The following TSPAN15 variants were observed in gnomAD, a reference collection of about 807,000 sequenced individuals.
TSPAN15 encodes the protein tetraspanin 15, also known as tetraspanin-15.
TSPAN15 carries 20 observed loss-of-function variants against 34.5 expected under a neutral mutation model. The ratio of observed to expected loss-of-function variants is 0.58; its 90% CI spans 0.41 to 0.84. The LOEUF (loss-of-function observed/expected upper bound fraction) is 0.84, where lower values mean the gene tolerates loss of function less well. Among genes scored for constraint, TSPAN15 ranks in the 40% least tolerant of loss-of-function variants. The probability of loss-of-function intolerance (pLI) is 0.00; values close to 1 mark genes in which losing one functional copy is unlikely to be tolerated. For missense variants in TSPAN15, 313 were observed against 386.1 expected (o/e 0.81, Z 1.59); for synonymous variants, 155 against 153.9 (o/e 1.01, Z -0.05).
intron 1 of TSPAN15, among the ~76,000 whole-genome samples, chr10:69,474,275 T>TA (rs952988832): frequency 6.6e-6 from 1 of 151,692 alleles, no homozygotes; most frequent in Non-Finnish European, 1.5e-5. Context: ...GGCACTCCCA[T>TA]ACCCCTTCCC....
the TSPAN15 span, among the ~76,000 whole-genome samples, chr10:69,519,997 G>A: frequency 1.3e-5 from 2 of 152,212 alleles, no homozygotes; most frequent in Admixed American, 6.5e-5. Context: ...CTCCCAAAGT[G>A]CTGGGATTAT....
At chr10:69,492,275 T>C (rs1841984305) in intron 3 of TSPAN15, among the ~76,000 whole-genome samples, 1 of 152,112 alleles carries the variant, frequency 6.6e-6, no homozygotes, top group South Asian at 2.1e-4. Flanking sequence ...ACATTACCAG[T>C]GCTGTCAACG....
the TSPAN15 span, among the ~76,000 whole-genome samples, chr10:69,522,399 A>C: frequency 7.5e-6 from 1 of 133,098 alleles, no homozygotes; most frequent in East Asian, 2.8e-4. Flanking sequence ...AAAAAAAAAA[A>C]AGAAGGTCAA....
chr10:69,507,651 G>GTTTTTTTTTTTTTTTTTT, exon 8 of TSPAN15: 5 of 1,007,624 alleles, frequency 5.0e-6, no homozygotes, highest in Admixed American at 4.0e-5. Context: ...ATAAAAACAT[G>GTTTTTTTTTTTTTTTTTT]TTTTTTTTTT....
the TSPAN15 span, among the ~76,000 whole-genome samples, chr10:69,519,000 G>A: frequency 6.6e-6 from 1 of 152,198 alleles, no homozygotes; most frequent in Admixed American, 6.5e-5. Flanking sequence ...TTATAATAGT[G>A]AAAAATGGGA....
chr10:69,532,245 T>C, the TSPAN15 span, among the ~76,000 whole-genome samples: 2 of 152,150 alleles, frequency 1.3e-5, no homozygotes, highest in South Asian at 4.1e-4. Context: ...AAAAAGAACA[T>C]ATCTGGAGGC....
At chr10:69,532,947 C>T in the TSPAN15 span, among the ~76,000 whole-genome samples, 1 of 152,180 alleles carries the variant, frequency 6.6e-6, no homozygotes, top group East Asian at 1.9e-4. Flanking sequence ...CACCAACAAT[C>T]AGGGAAAAGC....
At chr10:69,531,025 A>T in the TSPAN15 span, among the ~76,000 whole-genome samples, 5 of 145,344 alleles carry the variant, frequency 3.4e-5, 2 homozygotes, top group Non-Finnish European at 7.5e-5. Context: ...GAATATGAAG[A>T]TTATAACTAG....
At chr10:69,515,707 C>T in the TSPAN15 span, among the ~76,000 whole-genome samples, 399 of 152,310 alleles carry the variant, frequency 2.6e-3, 4 homozygotes, top group Middle Eastern at 0.014. Context: ...TTCCACAGCT[C>T]GTGACCCCTT....
the TSPAN15 span, among the ~76,000 whole-genome samples, chr10:69,533,416 T>A: frequency 1.5e-4 from 23 of 152,268 alleles, no homozygotes; most frequent in East Asian, 4.2e-3. Context: ...AACTCAGGAA[T>A]GGAAACCCAA....
At chr10:69,479,330 C>T (rs527992945) in intron 1 of TSPAN15, among the ~76,000 whole-genome samples, 75 of 152,362 alleles carry the variant, frequency 4.9e-4, no homozygotes, top group African/African-American at 1.7e-3. Context: ...AACTGGGCCT[C>T]TCCCTGCACA....
At position 69,482,591 on chromosome 10, in the gene TSPAN15, C is replaced by T. The variant is rs562020088; in HGVS notation, c.97-1100C>T. 9.8e-5 allele frequency among the ~76,000 whole-genome samples: 15 copies of T among 152,288 alleles called. No individual in the cohort carries two copies. In the South Asian group the frequency reaches 2.1e-3, roughly 21 times the overall value. On this transcript the variant is annotated intron_variant, in intron 1 of 7. Coordinates refer to ENST00000373290, the MANE Select transcript of TSPAN15 (RefSeq NM_012339.5). ...TGTTTAATACGCGTTGTGGCGGCCT[C>T]GCACTTCCAGGTTTGTAGTGTTTCC...
rs1279199868 is a variant in TSPAN15, at chr10:69,494,853, C to T, written c.358-741C>T. 6.1e-6 allele frequency: 6 copies of T among 985,542 alleles called. No individual in the cohort carries two copies. In the African/African-American group the frequency reaches 1.0e-4, roughly 17 times the overall value. The allele number at this position is 985,542 out of a possible 1,614,324, so 61.0% of individuals were successfully genotyped here. On this transcript the variant is annotated intron_variant, in intron 3 of 7. Coordinates refer to ENST00000373290, the MANE Select transcript of TSPAN15 (RefSeq NM_012339.5). ...TGGGCTGCCCACGCTCCTGCCCCCG[C>T]CCCTTCCCACTGTGGGGCCCTTTGT...
intron 1 of TSPAN15, among the ~76,000 whole-genome samples, chr10:69,472,505 CATCTT>C (rs1030952825): frequency 3.9e-5 from 6 of 152,166 alleles, no homozygotes; most frequent in South Asian, 2.1e-4. Context: ...GACAGGAACT[CATCTT>C]ATCTGCTTAT....
At chr10:69,539,145 TG>T in the TSPAN15 span, among the ~76,000 whole-genome samples, 2 of 151,850 alleles carry the variant, frequency 1.3e-5, no homozygotes, top group Non-Finnish European at 2.9e-5. Flanking sequence ...GCCTCTGAGA[TG>T]GAATGGAAAA....
At chr10:69,465,406 C>T (rs997408315) in intron 1 of TSPAN15, among the ~76,000 whole-genome samples, 44 of 152,340 alleles carry the variant, frequency 2.9e-4, no homozygotes, top group African/African-American at 1.1e-3. Context: ...TGGTGCCGGC[C>T]TCACATGGAA....
chr10:69,503,936 G>A (rs1295712322), intron 5 of TSPAN15, among the ~76,000 whole-genome samples: 1 of 152,190 alleles, frequency 6.6e-6, no homozygotes, highest in East Asian at 1.9e-4. Flanking sequence ...AGTTTTGGCA[G>A]CACTCTCCGC....
At chr10:69,527,025 A>T in the TSPAN15 span, among the ~76,000 whole-genome samples, 2 of 147,934 alleles carry the variant, frequency 1.4e-5, no homozygotes, top group Non-Finnish European at 3.0e-5. Flanking sequence ...TTGTACACAA[A>T]TGTTTATGGC....
At chr10:69,534,621 G>A in the TSPAN15 span, among the ~76,000 whole-genome samples, 4 of 152,090 alleles carry the variant, frequency 2.6e-5, no homozygotes, top group East Asian at 7.7e-4. Flanking sequence ...GATCCTCTGT[G>A]TATGCCAGAA....
Sources: gnomAD v4.1 joint callset for allele counts (sites outside exome capture counted in the v4.1 genomes callset) on GRCh38, gnomAD v4.1.1 for gene constraint, MANE v1.5 for transcripts, NCBI Gene and HGNC (gene_info 2026-07-23, HGNC 2026-07-21) for gene names.